RGS12: variants seen among roughly 807,000 people sequenced by gnomAD.
RGS12 encodes regulator of G-protein signaling 12.
In RGS12, 66 loss-of-function variants were observed where a neutral mutation model predicts 120.1. The observed-to-expected ratio is 0.55, with a 90% CI of 0.45 to 0.67. The LOEUF (loss-of-function observed/expected upper bound fraction) is 0.67. RGS12 is among the 30% of genes least tolerant of loss of function. The pLI, the probability that RGS12 is intolerant of heterozygous loss-of-function variation, is 0.00. For synonymous variants in RGS12, 827 were observed against 804.7 expected (o/e 1.03, Z -0.47); for missense variants, 1,859 against 1,957.7 (o/e 0.95, Z 0.95).
intron 1 of RGS12, among the ~76,000 whole-genome samples, chr4:3,311,367 A>G (rs11943298): frequency 0.034 from 5,225 of 152,116 alleles, 290 homozygotes; most frequent in African/African-American, 0.12. Context: ...AGGACCTTTT[A>G]TAGGAGGTTT....
chr4:3,313,698 C>T (rs1250769251), intron 1 of RGS12, among the ~76,000 whole-genome samples: 2 of 152,230 alleles, frequency 1.3e-5, no homozygotes, highest in Non-Finnish European at 2.9e-5. Flanking sequence ...AGGTGACCGC[C>T]TGCCCGTCTG....
At chr4:3,344,559 A>ATG (rs1473381410) in intron 3 of RGS12, among the ~76,000 whole-genome samples, 1 of 152,160 alleles carries the variant, frequency 6.6e-6, no homozygotes, top group African/African-American at 2.4e-5. Flanking sequence ...GGTGAATGAT[A>ATG]TGTGGGTCTG....
At chr4:3,376,635 C>T (rs1717727726) in intron 3 of RGS12, among the ~76,000 whole-genome samples, 1 of 152,228 alleles carries the variant, frequency 6.6e-6, no homozygotes, top group Admixed American at 6.5e-5. Context: ...GCTTCCCTTC[C>T]GTGTTGTTCT....
At chr4:3,336,483 A>T (rs1254739073) in intron 2 of RGS12, among the ~76,000 whole-genome samples, 1 of 152,170 alleles carries the variant, frequency 6.6e-6, no homozygotes, top group Non-Finnish European at 1.5e-5. Flanking sequence ...ATACCTTCGG[A>T]TGATCTGGTC....
At chr4:3,339,361 G>C (rs1430908512) in intron 2 of RGS12, among the ~76,000 whole-genome samples, 2 of 152,128 alleles carry the variant, frequency 1.3e-5, no homozygotes, top group Admixed American at 1.3e-4. Context: ...ACATGCCTGT[G>C]GTCCCAGCTA....
intron 6 of RGS12, among the ~76,000 whole-genome samples, chr4:3,415,202 G>A (rs931417339): frequency 1.3e-5 from 2 of 151,280 alleles, no homozygotes; most frequent in East Asian, 1.9e-4. Flanking sequence ...AGAGGGCCGC[G>A]TGTGTGTGAG....
At chr4:3,318,108 C>G in intron 2 of RGS12, 57 bp downstream of exon 2, 1 of 1,474,574 alleles carries the variant, frequency 6.8e-7, no homozygotes, top group Non-Finnish European at 9.2e-7. Flanking sequence ...TTAGCAGTCA[C>G]GGGGAGGTGA....
chr4:3,392,327 G>A (rs4690091), intron 4 of RGS12, among the ~76,000 whole-genome samples: 2 of 152,184 alleles, frequency 1.3e-5, no homozygotes, highest in Admixed American at 1.3e-4. Flanking sequence ...TGAGTCTCAG[G>A]TTGGTTTTTC....
intron 1 of RGS12, among the ~76,000 whole-genome samples, chr4:3,293,801 G>A (rs1723195924): frequency 6.6e-6 from 1 of 151,158 alleles, no homozygotes; most frequent in African/African-American, 2.5e-5. Flanking sequence ...GGACAGAGAG[G>A]GGGCCCAGAG....
chr4:3,404,011 C>T (rs1720863267), intron 4 of RGS12, among the ~76,000 whole-genome samples: 1 of 152,248 alleles, frequency 6.6e-6, no homozygotes, highest in Admixed American at 6.5e-5. Flanking sequence ...TGCACTACCA[C>T]ACTTCTGTGC....
intron 4 of RGS12, among the ~76,000 whole-genome samples, chr4:3,403,003 A>G (rs920376779): frequency 6.6e-6 from 1 of 152,164 alleles, no homozygotes; most frequent in Non-Finnish European, 1.5e-5. Context: ...AGAATCCTAA[A>G]AATTCAGAGT....
In RGS12 at chr4:3,355,626, C is replaced by CTCTACAAAAAATACAAAAGTTAG. The variant is rs537792843; in HGVS notation, c.1998+12574_1998+12596dup. On this transcript the variant is annotated intron_variant, in intron 3 of 17. Transcript: ENST00000336727. ...CCTGGACAACATGGCTAAAACCTGT[C>CTCTACAAAAAATACAAAAGTTAG]TCTACAAAAAATACAAAAGTTAGCC... Among the ~76,000 whole-genome samples, 302 of 151,794 alleles carry CTCTACAAAAAATACAAAAGTTAG rather than the reference C, an allele frequency of 2.0e-3. 1 individual carries two copies. Among genetic ancestry groups the CTCTACAAAAAATACAAAAGTTAG allele is most frequent in the Middle Eastern group, 0.01 (3 of 294 alleles).
At chr4:3,434,748 G>A (rs1453809939) in intron 17 of RGS12, among the ~76,000 whole-genome samples, 6 of 152,198 alleles carry the variant, frequency 3.9e-5, no homozygotes, top group East Asian at 1.9e-4. Flanking sequence ...GGGTTCTTAC[G>A]GTTGTGTTGG....
Position 3,317,796 on chromosome 4 carries a change from G to T in RGS12, c.1626G>T (p.Val542=). ...ACCAGCGCTGGCTCCCGGTCCACGT[G>T]CTCCGGGAGTGGCAGTGCGGACACA... ...GFNQRWLPVH[V]LREWQCGHTS... The change falls in exon 2 of 18, where the codon GTG becomes GTT. Residue 542 remains valine, a synonymous_variant. Transcript: ENST00000336727. The T allele has an allele frequency of 6.2e-7, 1 of 1,613,386 alleles. No individual in the cohort carries two copies. Among genetic ancestry groups the T allele is most frequent in the Non-Finnish European group, 8.5e-7 (1 of 1,179,906 alleles).
chr4:3,347,428 A>C (rs988863107), intron 3 of RGS12, among the ~76,000 whole-genome samples: 1 of 152,240 alleles, frequency 6.6e-6, no homozygotes, highest in Admixed American at 6.5e-5. Flanking sequence ...TAGGCAACAG[A>C]GTGAGACTCT....
intron 2 of RGS12, among the ~76,000 whole-genome samples, chr4:3,336,843 C>G (rs934377288): frequency 6.6e-6 from 1 of 151,990 alleles, no homozygotes. Flanking sequence ...TATGCAGAGT[C>G]TATAGAGAAC....
intron 1 of RGS12, among the ~76,000 whole-genome samples, chr4:3,305,615 G>A (rs1018962749): frequency 3.3e-5 from 5 of 152,190 alleles, no homozygotes; most frequent in African/African-American, 1.2e-4. Context: ...TGTTCAAAAT[G>A]AGGGAAAATG....
chr4:3,357,974 C>G (rs539971237), intron 3 of RGS12, among the ~76,000 whole-genome samples: 16 of 152,200 alleles, frequency 1.1e-4, no homozygotes, highest in Non-Finnish European at 4.4e-5. Context: ...TCAAGTCTGT[C>G]CATCCATCAA....
intron 2 of RGS12, among the ~76,000 whole-genome samples, chr4:3,333,433 C>T (rs186590839): frequency 9.2e-5 from 14 of 152,358 alleles, no homozygotes; most frequent in East Asian, 5.8e-4. Flanking sequence ...CCACTGCACC[C>T]GGTCTGTGTC....
Sources: gnomAD v4.1 joint callset for allele counts (sites outside exome capture counted in the v4.1 genomes callset) on GRCh38, gnomAD v4.1.1 for gene constraint, MANE v1.5 for transcripts, NCBI Gene and HGNC (gene_info 2026-07-23, HGNC 2026-07-21) for gene names.